The following TMEM116 variants were observed in gnomAD, a reference collection of about 807,000 sequenced individuals.
The protein encoded by TMEM116 is transmembrane protein 116.
A neutral mutation model predicts 44.3 loss-of-function variants in TMEM116; 38 were observed. That is an observed-to-expected ratio of 0.86 (90% CI 0.66 to 1.12). The LOEUF is 1.12. Ranked by LOEUF, TMEM116 falls within the 50% of genes most tolerant of loss-of-function variation. TMEM116 has a pLI of 0.00. For missense variants in TMEM116, 354 were observed against 401.7 expected (o/e 0.88, Z 1.01); for synonymous variants, 132 against 144.8 (o/e 0.91, Z 0.64).
chr12:111,944,148 G>A (rs1010737291), intron 4 of TMEM116, among the ~76,000 whole-genome samples: 2 of 151,950 alleles, frequency 1.3e-5, no homozygotes, highest in Non-Finnish European at 2.9e-5. Flanking sequence ...CAAGGAACTA[G>A]TAGGATAAAA....
chr12:111,938,169 A>T lies in TMEM116; in HGVS notation c.357T>A (p.Val119=). 6.3e-7 allele frequency: 1 copy of T among 1,596,904 alleles called. No homozygotes were observed. Among genetic ancestry groups the T allele is most frequent in the Non-Finnish European group, 8.5e-7 (1 of 1,172,782 alleles). The change falls in exon 6 of 11, where the codon GTT becomes GTA. Residue 119 remains valine (V), a synonymous_variant. Coordinates refer to ENST00000552374, the MANE Select transcript of TMEM116 (RefSeq NM_001193531.2). ...TAAAGAAAAAATTTTACCTTGAGAA[A>T]ACAAAGGCCATTTGACAAACTCGAC... is the stretch of plus-strand genomic sequence containing the variant. ...YTCRVCQMAF[V]FSSLIPLLLM...
At chr12:111,974,927 G>T (rs781314546) in intron 4 of TMEM116, among the ~76,000 whole-genome samples, 1 of 152,136 alleles carries the variant, frequency 6.6e-6, no homozygotes, top group Non-Finnish European at 1.5e-5. Flanking sequence ...CAAATTCTTA[G>T]AGATAAATAT....
intron 5 of TMEM116, 55 bp from the exon 6 acceptor site, chr12:111,938,265 A>G: frequency 7.6e-6 from 10 of 1,313,646 alleles, no homozygotes; most frequent in Non-Finnish European, 1.1e-5. Flanking sequence ...TCATATAATA[A>G]TAAATACCAG....
chr12:111,962,211 G>C (rs2074642473), intron 4 of TMEM116, among the ~76,000 whole-genome samples: 1 of 152,134 alleles, frequency 6.6e-6, no homozygotes, highest in Non-Finnish European at 1.5e-5. Flanking sequence ...TGGATAGGAA[G>C]AATCAATATC....
At chr12:111,999,666 C>G (rs899036233) in intron 3 of TMEM116, among the ~76,000 whole-genome samples, 2 of 151,760 alleles carry the variant, frequency 1.3e-5, no homozygotes, top group African/African-American at 4.8e-5. Context: ...ATAATTTTCA[C>G]AAAAACCATT....
intron 10 of TMEM116, 75 bp from the exon 11 acceptor site, chr12:111,931,902 T>A (rs2071678243): frequency 1.0e-6 from 1 of 1,000,872 alleles, no homozygotes; most frequent in South Asian, 1.8e-5. Context: ...TCACTCCCCT[T>A]ATTCATAAAG....
chr12:111,941,206 T>C (rs2072785826), intron 5 of TMEM116, among the ~76,000 whole-genome samples: 2 of 151,934 alleles, frequency 1.3e-5, no homozygotes, highest in Non-Finnish European at 2.9e-5. Flanking sequence ...TGAAACCCCA[T>C]CTCTACTATA....
chr12:111,971,496 C>A, intron 4 of TMEM116, among the ~76,000 whole-genome samples: 1 of 131,988 alleles, frequency 7.6e-6, no homozygotes, highest in African/African-American at 3.0e-5. Flanking sequence ...CAACCAGTAA[C>A]TTAAAAAAAA....
rs2072237844 is a variant in TMEM116, at chr12:111,937,208, C to G, written c.401G>C (p.Cys134Ser). Residue 134 changes from cysteine (C) to serine (S), a missense_variant, in exon 7 of 11, where the codon TGT (cysteine) becomes TCT (serine). Coordinates refer to ENST00000552374, the MANE Select transcript of TMEM116 (RefSeq NM_001193531.2). ...IPLLLMTPVF[C>S]LGNTSECFQN... ...GAAACATTCACTAGTATTTCCCAGA[C>G]AGAATACAGGTGTCATCAATAGCAG... 1 of 1,613,768 alleles carries G rather than the reference C, an allele frequency of 6.2e-7. No homozygotes were observed. The highest frequency in any genetic ancestry group is 1.7e-5 in the Admixed American group (1 of 59,980).
chr12:112,001,119 C>A, intron 3 of TMEM116: 1 of 167,452 alleles, frequency 6.0e-6, no homozygotes, highest in South Asian at 1.4e-4. Context: ...AGAGCTCTCC[C>A]TACTCAAGAG....
chr12:111,994,482 G>A (rs1473566267), intron 3 of TMEM116, among the ~76,000 whole-genome samples: 1 of 152,154 alleles, frequency 6.6e-6, no homozygotes, highest in African/African-American at 2.4e-5. Context: ...CCAATGCACT[G>A]GATATACTGG....
intron 3 of TMEM116, among the ~76,000 whole-genome samples, chr12:112,000,163 T>C (rs1489342345): frequency 6.6e-6 from 1 of 152,220 alleles, no homozygotes; most frequent in Non-Finnish European, 1.5e-5. Flanking sequence ...TACTCCTCAA[T>C]AGTGTCTATA....
At chr12:111,957,534 TG>T (rs1183358784) in intron 4 of TMEM116, among the ~76,000 whole-genome samples, 1 of 145,258 alleles carries the variant, frequency 6.9e-6, no homozygotes, top group South Asian at 2.2e-4. Flanking sequence ...GTCCGGGAGG[TG>T]GGGGGCAGCC....
At chr12:111,960,441 G>A (rs1297658056) in intron 4 of TMEM116, among the ~76,000 whole-genome samples, 3 of 134,474 alleles carry the variant, frequency 2.2e-5, no homozygotes, top group East Asian at 2.4e-4. Flanking sequence ...GCAGTGAGCC[G>A]AGATTGCACC....
At chr12:111,934,206 A>G in intron 8 of TMEM116, 176 bp from the exon 9 acceptor site, 1 of 731,696 alleles carries the variant, frequency 1.4e-6, no homozygotes, top group South Asian at 2.1e-5. Flanking sequence ...TTACCTTCAG[A>G]GTGAACTTTT....
chr12:111,961,460 A>G (rs918003062), intron 4 of TMEM116, among the ~76,000 whole-genome samples: 2 of 152,348 alleles, frequency 1.3e-5, no homozygotes, highest in South Asian at 2.1e-4. Context: ...GCAGCACATT[A>G]AAAAGATTAT....
At chr12:111,953,407 G>C (rs1376980577) in intron 4 of TMEM116, among the ~76,000 whole-genome samples, 1 of 152,154 alleles carries the variant, frequency 6.6e-6, no homozygotes, top group African/African-American at 2.4e-5. Context: ...TGATCAAAGG[G>C]GAGAAATGCG....
At chr12:111,963,811 AT>A (rs775401284) in intron 4 of TMEM116, among the ~76,000 whole-genome samples, 2 of 152,080 alleles carry the variant, frequency 1.3e-5, no homozygotes, top group East Asian at 1.9e-4. Flanking sequence ...AACTTAAAGT[AT>A]TTTTTTTAAA....
chr12:111,932,486 G>A, intron 10 of TMEM116, 100 bp downstream of exon 10: 3 of 969,912 alleles, frequency 3.1e-6, no homozygotes, highest in South Asian at 1.4e-5. Context: ...CAATGTAGAA[G>A]TACCCGGAGG....
Sources: gnomAD v4.1 joint callset for allele counts (sites outside exome capture counted in the v4.1 genomes callset) on GRCh38, gnomAD v4.1.1 for gene constraint, MANE v1.5 for transcripts, NCBI Gene and HGNC (gene_info 2026-07-23, HGNC 2026-07-21) for gene names.